DLG2: variants seen among roughly 807,000 people sequenced by gnomAD.
DLG2 encodes the protein disks large homolog 2.
In DLG2, 45 loss-of-function variants were observed where a neutral mutation model predicts 132.5. The ratio of observed to expected loss-of-function variants is 0.34; its 90% CI spans 0.27 to 0.44. DLG2 has a LOEUF of 0.44. Among genes scored for constraint, DLG2 ranks in the 20% least tolerant of loss-of-function variants. The probability of loss-of-function intolerance (pLI) is 1.00; values close to 1 mark genes in which losing one functional copy is unlikely to be tolerated. For missense variants in DLG2, 1,045 were observed against 1,196.9 expected, an observed-to-expected ratio of 0.87 and a Z score of 1.87; for synonymous variants, 424 against 419.6, an observed-to-expected ratio of 1.01 and a Z score of -0.13.
At chr11:83,464,436 C>T (rs1358379164) in intron 26 of DLG2, among the ~76,000 whole-genome samples, 2 of 152,160 alleles carry the variant, frequency 1.3e-5, no homozygotes, top group Non-Finnish European at 2.9e-5. Context: ...CAGCTTTGCT[C>T]CTGGAGTAAA....
chr11:84,402,994 TTCTCTC>T (rs58666610), intron 7 of DLG2, among the ~76,000 whole-genome samples: 21,405 of 149,474 alleles, frequency 0.14, 2,088 homozygotes, highest in African/African-American at 0.28. Flanking sequence ...CCCACTCCAA[TTCTCTC>T]TCTCTCTCTC....
intron 7 of DLG2, among the ~76,000 whole-genome samples, chr11:84,372,661 A>C (rs2098711125): frequency 6.6e-6 from 1 of 152,206 alleles, no homozygotes; most frequent in Admixed American, 6.5e-5. Flanking sequence ...ATAGTGTTAT[A>C]AATATACATT....
At chr11:84,087,735 G>C (rs1344283701) in intron 10 of DLG2, among the ~76,000 whole-genome samples, 1 of 152,196 alleles carries the variant, frequency 6.6e-6, no homozygotes, top group Admixed American at 6.5e-5. Flanking sequence ...AAAGGGTTAT[G>C]AGCCAAGTGA....
intron 6 of DLG2, among the ~76,000 whole-genome samples, chr11:85,006,543 G>C (rs1308452268): frequency 2.6e-5 from 4 of 152,094 alleles, no homozygotes; most frequent in African/African-American, 9.7e-5. Context: ...TCTGATGGTA[G>C]TTTGCATTTC....
chr11:84,146,581 G>C (rs977673759), intron 9 of DLG2, among the ~76,000 whole-genome samples: 1 of 152,074 alleles, frequency 6.6e-6, no homozygotes, highest in Admixed American at 6.6e-5. Flanking sequence ...ATGTTGCATT[G>C]CATGAAGAAT....
At chr11:84,301,800 A>G (rs570236232) in intron 7 of DLG2, among the ~76,000 whole-genome samples, 2 of 152,250 alleles carry the variant, frequency 1.3e-5, no homozygotes, top group Non-Finnish European at 2.9e-5. Context: ...CAATTCCTCA[A>G]GGATCTAGAA....
intron 7 of DLG2, among the ~76,000 whole-genome samples, chr11:84,462,717 C>T (rs2099083723): frequency 6.6e-6 from 1 of 151,072 alleles, no homozygotes; most frequent in Non-Finnish European, 1.5e-5. Flanking sequence ...GAAATGACTA[C>T]ATCATCACTC....
intron 16 of DLG2, among the ~76,000 whole-genome samples, chr11:83,860,658 GA>G (rs918310375): frequency 6.7e-6 from 1 of 150,198 alleles, no homozygotes; most frequent in African/African-American, 2.5e-5. Context: ...ATGCTGAAAT[GA>G]GTTAAGACTT....
At chr11:85,615,136 A>C (rs2081254753) in intron 2 of DLG2, among the ~76,000 whole-genome samples, 1 of 152,234 alleles carries the variant, frequency 6.6e-6, no homozygotes, top group Non-Finnish European at 1.5e-5. Flanking sequence ...CCTTTCAGAC[A>C]AGCCATGCTT....
At chr11:83,590,187 A>C (rs1276134789) in intron 19 of DLG2, among the ~76,000 whole-genome samples, 1 of 148,590 alleles carries the variant, frequency 6.7e-6, no homozygotes, top group Admixed American at 6.7e-5. Flanking sequence ...CAGAATATAC[A>C]TTTTTTTCAG....
chr11:83,563,571 C>T (rs545424547), intron 19 of DLG2, among the ~76,000 whole-genome samples: 2 of 152,162 alleles, frequency 1.3e-5, no homozygotes, highest in Admixed American at 6.5e-5. Context: ...AGAGTACAAT[C>T]GTGTTAAAAG....
At chr11:85,370,435 T>G (rs1373311506) in intron 3 of DLG2, among the ~76,000 whole-genome samples, 1 of 152,222 alleles carries the variant, frequency 6.6e-6, no homozygotes. Context: ...AGGTTCTTCA[T>G]GTGAACGTAT....
At chr11:85,052,800 C>T (rs2063027722) in intron 6 of DLG2, among the ~76,000 whole-genome samples, 1 of 152,100 alleles carries the variant, frequency 6.6e-6, no homozygotes, top group Non-Finnish European at 1.5e-5. Flanking sequence ...TGGAAGCATC[C>T]TTAGAAATGC....
At chr11:85,625,216 T>C (rs2081971120) in intron 2 of DLG2, 1 of 152,152 alleles carries the variant, frequency 6.6e-6, no homozygotes, top group Non-Finnish European at 1.5e-5. Flanking sequence ...TTAATTCCAT[T>C]ATTAGTTCAA....
At chr11:85,024,524 T>G (rs1170425488) in intron 6 of DLG2, among the ~76,000 whole-genome samples, 1 of 152,200 alleles carries the variant, frequency 6.6e-6, no homozygotes, top group Non-Finnish European at 1.5e-5. Context: ...TTTTTGCCTC[T>G]GCAGCACATT....
intron 3 of DLG2, among the ~76,000 whole-genome samples, chr11:85,492,996 C>T (rs1045793898): frequency 9.2e-5 from 14 of 151,930 alleles, no homozygotes; most frequent in African/African-American, 3.4e-4. Context: ...AAGTATCATA[C>T]TCCAAGCTAT....
intron 18 of DLG2, among the ~76,000 whole-genome samples, chr11:83,774,097 G>A (rs2094497697): frequency 6.6e-6 from 1 of 152,166 alleles, no homozygotes; most frequent in Non-Finnish European, 1.5e-5. Context: ...CCCCATCCCT[G>A]CTCCTGCCAT....
chr11:83,879,233 T>C lies in DLG2; in HGVS notation c.1497-4745A>G, dbSNP rs192271794. On this transcript the variant is annotated intron_variant, in intron 15 of 27. Transcript: ENST00000376104. ...GGCAGGATAAGTGGTTTTTCCAATA[T>C]GTTGTAATATTAAAACTATGTTATT... Among the ~76,000 whole-genome samples, 3 of 152,330 alleles carry C rather than the reference T, an allele frequency of 2.0e-5. No homozygotes were observed. The East Asian group carries it at 5.8e-4, about 29-fold the overall frequency.
intron 15 of DLG2, among the ~76,000 whole-genome samples, chr11:83,920,765 C>T (rs1231944082): frequency 7.2e-6 from 1 of 139,110 alleles, no homozygotes; most frequent in East Asian, 2.6e-4. Flanking sequence ...AAGTCCCTTG[C>T]TCAAGTTTAC....
Sources: allele counts gnomAD v4.1 joint callset (sites outside exome capture counted in the v4.1 genomes callset), GRCh38; gene constraint gnomAD v4.1.1; transcripts MANE v1.5; gene names NCBI Gene and HGNC (gene_info 2026-07-23, HGNC 2026-07-21).